Variants in GPR4 observed in about 807,000 individuals in gnomAD.
The protein encoded by GPR4 is G protein-coupled receptor 4.
Under a neutral mutation model 17.8 loss-of-function variants are expected in GPR4, and 11 were observed. That is an observed-to-expected ratio of 0.62 (90% CI 0.39 to 1.02). GPR4 has a LOEUF of 1.02. Ranked by LOEUF, GPR4 falls within the 50% of genes least tolerant of loss-of-function variation. GPR4 has a pLI of 0.00. For synonymous variants in GPR4, 219 were observed against 222.8 expected (o/e 0.98, Z 0.15); for missense variants, 364 against 495.4 (o/e 0.73, Z 2.52).
At chr19:45,597,922 C>T (rs1970074633) in intron 1 of GPR4, among the ~76,000 whole-genome samples, 1 of 152,288 alleles carries the variant, frequency 6.6e-6, no homozygotes, top group South Asian at 2.1e-4. Context: ...GCCTCCCCCA[C>T]CCCAGACTCT....
chr19:45,594,726 T>C (rs1970039620), intron 1 of GPR4, among the ~76,000 whole-genome samples: 1 of 144,596 alleles, frequency 6.9e-6, no homozygotes, highest in African/African-American at 2.6e-5. Context: ...CTCATGCCTG[T>C]AATCCCAGCA....
intron 1 of GPR4, among the ~76,000 whole-genome samples, chr19:45,596,331 G>C (rs1245185804): frequency 6.6e-6 from 1 of 151,484 alleles, no homozygotes; most frequent in African/African-American, 2.4e-5. Context: ...TCTTCCTCTG[G>C]AGTAGCTGGG....
At chr19:45,595,593 G>C (rs982513959) in intron 1 of GPR4, among the ~76,000 whole-genome samples, 1 of 152,154 alleles carries the variant, frequency 6.6e-6, no homozygotes, top group Non-Finnish European at 1.5e-5. Context: ...TGCATACACA[G>C]GGCAAAGGAT....
Position 45,590,809 on chromosome 19 carries a change from A to G in GPR4, c.1058T>C (p.Val353Ala). 2 of 1,589,140 alleles carry G rather than the reference A, an allele frequency of 1.3e-6. No individual in the cohort carries two copies. Among genetic ancestry groups the G allele is most frequent in the South Asian group, 2.3e-5 (2 of 87,644 alleles). ...AATPPSQGDQ[V>A]QLKMLPPAQ ...TGCTGGCGGCAGCATCTTCAGCTGC[A>G]CCTGGTCCCCCTGGGAGGGCGGAGT... Residue 353 changes from valine (V) to alanine (A), a missense_variant, in exon 2 of 2, where the codon GTG (valine) becomes GCG (alanine). Val to Ala is a moderately conservative substitution (Grantham distance 64, BLOSUM62 0). Coordinates refer to ENST00000323040, the MANE Select transcript of GPR4 (RefSeq NM_005282.3).
At position 45,591,435 on chromosome 19, in the gene GPR4, C is replaced by T. The variant is rs752943492; in HGVS notation, c.432G>A (p.Thr144=). Residue 144 remains threonine (T), a synonymous_variant, in exon 2 of 2, where the codon ACG becomes ACA. Transcript: ENST00000323040. The surrounding 1 kb of genome is among the most constrained non-coding windows in gnomAD (Gnocchi z 7.6). The part of the protein sequence containing the change: ...AVAVSSVVWA[T]ELGANSAPLF... ...GGGGCGCCGAGTTGGCGCCCAGCTC[C>T]GTGGCCCAGACCACGGAGCTCACGG... is the stretch of plus-strand genomic sequence containing the variant. 4.5e-5 allele frequency: 72 copies of T among 1,604,988 alleles called. No homozygotes were observed. The highest frequency in any genetic ancestry group is 5.7e-5 in the Non-Finnish European group (67 of 1,177,816).
chr19:45,592,132 AAGG>A lies in GPR4; in HGVS notation c.-269_-267del, dbSNP rs1970004157. On this transcript the variant is annotated 5_prime_UTR_variant, in exon 2 of 2. Transcript: ENST00000323040. ...GGTGAGATTAATAAAGAGGTTTTTC[AAGG>A]AGGTTATGTATGGAGTCAGTGTGTC... The A allele has an allele frequency of 2.4e-6, 1 of 419,250 alleles. No homozygotes were observed. The highest frequency in any genetic ancestry group is 4.5e-6 in the Non-Finnish European group (1 of 224,618). 26.0% of individuals were successfully genotyped at this position (419,250 alleles called of 1,614,324 possible).
intron 1 of GPR4, among the ~76,000 whole-genome samples, chr19:45,601,246 C>T (rs1486539123): frequency 2.6e-5 from 4 of 152,158 alleles, no homozygotes; most frequent in African/African-American, 9.7e-5. Flanking sequence ...CACAGATATC[C>T]TAGAGCTATT....
chr19:45,592,117 A>C lies in GPR4; in HGVS notation c.-251T>G. Reference sequence around the variant, plus strand: ...GGAAGTCTGGAGGATGGTGAGATTAATAAAGAGGTTTTTCAAGGAGGTTAT... The same window carrying C: ...GGAAGTCTGGAGGATGGTGAGATTACTAAAGAGGTTTTTCAAGGAGGTTAT... On this transcript the variant is annotated 5_prime_UTR_variant, in exon 2 of 2. Coordinates refer to ENST00000323040, the MANE Select transcript of GPR4 (RefSeq NM_005282.3). 1 of 448,528 alleles carries C rather than the reference A, an allele frequency of 2.2e-6. No individual in the cohort carries two copies. The highest frequency in any genetic ancestry group is 4.1e-6 in the Non-Finnish European group (1 of 243,394). 27.8% of individuals were successfully genotyped at this position (448,528 alleles called of 1,614,324 possible).
At chr19:45,600,184 T>C (rs1970098546) in intron 1 of GPR4, among the ~76,000 whole-genome samples, 1 of 152,130 alleles carries the variant, frequency 6.6e-6, no homozygotes, top group Non-Finnish European at 1.5e-5. Context: ...TCTCACCACC[T>C]GGGGGTGACA....
chr19:45,600,548 A>G (rs1157061743), intron 1 of GPR4, among the ~76,000 whole-genome samples: 1 of 151,994 alleles, frequency 6.6e-6, no homozygotes, highest in Non-Finnish European at 1.5e-5. Context: ...CTCCCTCCTC[A>G]TTGAGAAGAC....
At position 45,593,407 on chromosome 19, in the gene GPR4, G is replaced by A. The variant is rs370229763; in HGVS notation, c.-831-710C>T. On this transcript the variant is annotated intron_variant, in intron 1 of 1. Coordinates refer to ENST00000323040, the MANE Select transcript of GPR4 (RefSeq NM_005282.3). ...CCAGCTACACAGGAGGCTGAGGCAG[G>A]AGAATTGCTTGAAACCAAAAGGCGG... Among the ~76,000 whole-genome samples the A allele has an allele frequency of 1.0e-4, 15 of 150,644 alleles. No individual in the cohort carries two copies. The East Asian group carries it at 2.7e-3, about 27-fold the overall frequency.
intron 1 of GPR4, among the ~76,000 whole-genome samples, chr19:45,593,642 G>A (rs188384705): frequency 3.0e-3 from 449 of 152,108 alleles, no homozygotes; most frequent in Non-Finnish European, 5.0e-3. Context: ...CATGCTTCAG[G>A]AAATGCCAGA....
chr19:45,593,197 CAAAAAAA>C (rs752605944), intron 1 of GPR4, among the ~76,000 whole-genome samples: 1 of 57,016 alleles, frequency 1.8e-5, no homozygotes, highest in East Asian at 4.6e-4. Context: ...GACCCTGTCT[CAAAAAAA>C]AAAAAAAAAA....
intron 1 of GPR4, among the ~76,000 whole-genome samples, chr19:45,597,682 A>G (rs963595341): frequency 1.3e-5 from 2 of 152,170 alleles, no homozygotes; most frequent in African/African-American, 4.8e-5. Flanking sequence ...AGAGGCATGG[A>G]GTAAAAACAT....
chr19:45,594,046 TAAAAAAAAAAAA>T (rs1177623997), intron 1 of GPR4, among the ~76,000 whole-genome samples: 2 of 50,310 alleles, frequency 4.0e-5, no homozygotes, highest in African/African-American at 2.7e-4. Flanking sequence ...ATGCCTGGCT[TAAAAAAAAAAAA>T]AAAAAATATA....
At chr19:45,601,859 G>GAGACAC (rs1970114825) in intron 1 of GPR4, among the ~76,000 whole-genome samples, 1 of 152,062 alleles carries the variant, frequency 6.6e-6, no homozygotes, top group Non-Finnish European at 1.5e-5. Flanking sequence ...GAGACATCCA[G>GAGACAC]AGACACAGAA....
chr19:45,598,819 C>T (rs1331313757), intron 1 of GPR4, among the ~76,000 whole-genome samples: 1 of 152,176 alleles, frequency 6.6e-6, no homozygotes, highest in Non-Finnish European at 1.5e-5. Context: ...GTTAACTAAA[C>T]AGCTTCCCTT....
rs1225070500 is a variant in GPR4 at position 45,592,277 on chromosome 19, T to C, written c.-411A>G. On this transcript the variant is annotated 5_prime_UTR_variant, in exon 2 of 2. Transcript: ENST00000323040. Reference sequence around the variant, plus strand: ...TGGTTTGCAGGGCAATTAGGAAGTATGTGTAGCCATATTGAAGTAATAATG... The same window carrying C: ...TGGTTTGCAGGGCAATTAGGAAGTACGTGTAGCCATATTGAAGTAATAATG... The C allele has an allele frequency of 3.2e-5, 6 of 185,230 alleles. No homozygotes were observed. In the East Asian group the frequency reaches 6.7e-4, roughly 21 times the overall value. 11.5% of individuals were successfully genotyped at this position (185,230 alleles called of 1,614,324 possible). A position where few individuals can be genotyped will look rare whatever the true frequency, so the allele number is the denominator to read the frequency against.
Position 45,602,130 on chromosome 19 carries a change from C to T in GPR4, c.-867G>A, listed in dbSNP as rs1970117333. 6.6e-6 allele frequency: 1 copy of T among 152,360 alleles called. No individual in the cohort carries two copies. The highest frequency in any genetic ancestry group is 1.5e-5 in the Non-Finnish European group (1 of 68,194). The allele number at this position is 152,360 out of a possible 1,614,324, so 9.4% of individuals were successfully genotyped here. On this transcript the variant is annotated 5_prime_UTR_variant, in exon 1 of 2. The change creates a new upstream start codon in the 5' untranslated region. Coordinates refer to ENST00000323040, the MANE Select transcript of GPR4 (RefSeq NM_005282.3). ...CGACTGGACGGGGCGGGCGGCGGCA[C>T]CTCTCTCCGCTGCGTCCAGGTCCCC...
Sources: allele counts gnomAD v4.1 joint callset (sites outside exome capture counted in the v4.1 genomes callset), GRCh38; gene constraint gnomAD v4.1.1; non-coding constraint Gnocchi (gnomAD v3.1); transcripts MANE v1.5; gene names NCBI Gene and HGNC (gene_info 2026-07-23, HGNC 2026-07-21).